The following PPDPFL variants were observed in gnomAD, a reference collection of about 807,000 sequenced individuals.
PPDPFL encodes the protein pancreatic progenitor cell differentiation and proliferation factor-like protein.
Under a neutral mutation model 12.6 loss-of-function variants are expected in PPDPFL, and 12 were observed. That is an observed-to-expected ratio of 0.95 (90% CI 0.61 to 1.54). PPDPFL has a LOEUF of 1.54. PPDPFL is among the 40% of genes most tolerant of loss of function. The pLI is 0.00. For missense variants in PPDPFL, 114 were observed against 96.0 expected (o/e 1.19, Z -0.78); for synonymous variants, 24 against 32.7 (o/e 0.73, Z 0.91).
chr8:49,067,274 T>C (rs913838235), intron 1 of PPDPFL, among the ~76,000 whole-genome samples: 3 of 152,252 alleles, frequency 2.0e-5, no homozygotes, highest in Admixed American at 6.5e-5. Context: ...AACAGTGTTT[T>C]AATGCAGATT....
intron 1 of PPDPFL, among the ~76,000 whole-genome samples, chr8:49,065,087 A>G (rs1370614295): frequency 6.6e-6 from 1 of 152,216 alleles, no homozygotes; most frequent in Non-Finnish European, 1.5e-5. Context: ...TGAGCCAGTT[A>G]TGTTCATTTA....
rs757437257 is a variant in PPDPFL at position 49,074,282 on chromosome 8, A to G, written c.182A>G (p.His61Arg). ...ESTWWFKSFF[H>R]SEPVLSNVRI... Reference sequence around the variant, plus strand: ...ACCTGGTGGTTTAAATCGTTTTTCCATTCTGAACCTGTGCTTTCAAATGTG... The same window carrying G: ...ACCTGGTGGTTTAAATCGTTTTTCCGTTCTGAACCTGTGCTTTCAAATGTG... Residue 61 changes from histidine (H) to arginine (R), a missense_variant, in exon 4 of 5, where the codon CAT becomes CGT. Transcript: ENST00000522267. The G allele has an allele frequency of 1.9e-6, 3 of 1,614,038 alleles. No homozygotes were observed. The highest frequency in any genetic ancestry group is 1.3e-5 in the African/African-American group (1 of 75,062).
At chr8:49,055,565 G>A (rs1343193857) in intron 1 of PPDPFL, among the ~76,000 whole-genome samples, 1 of 152,086 alleles carries the variant, frequency 6.6e-6, no homozygotes, top group Non-Finnish European at 1.5e-5. Flanking sequence ...TATTACATTG[G>A]TAATTTCCAG....
In PPDPFL at chr8:49,054,924, T is replaced by A. The variant is rs1398213886; in HGVS notation, c.-45+555T>A. ...CTTTGCCCAATATATTCTTTAAATT[T>A]TTTGTTGGTGCTCCTCAAAGCTCTA... On this transcript the variant is annotated intron_variant, in intron 1 of 4. Transcript: ENST00000517663. Among the ~76,000 whole-genome samples the A allele has an allele frequency of 2.6e-5, 4 of 152,264 alleles. No individual in the cohort carries two copies. The East Asian group carries it at 7.7e-4, about 29-fold the overall frequency.
At chr8:49,059,044 A>G (rs1808154726) in intron 1 of PPDPFL, among the ~76,000 whole-genome samples, 1 of 152,188 alleles carries the variant, frequency 6.6e-6, no homozygotes, top group Non-Finnish European at 1.5e-5. Flanking sequence ...TGGCTTTCTT[A>G]GATATGGACA....
upstream of PPDPFL, among the ~76,000 whole-genome samples, chr8:49,068,516 T>A (rs1399010523): frequency 6.6e-6 from 1 of 152,086 alleles, no homozygotes; most frequent in Non-Finnish European, 1.5e-5. Flanking sequence ...CATAGAGGGT[T>A]TCAACCAAGA....
intron 1 of PPDPFL, among the ~76,000 whole-genome samples, chr8:49,056,071 T>C (rs1310080225): frequency 1.3e-5 from 2 of 152,176 alleles, no homozygotes; most frequent in African/African-American, 4.8e-5. Flanking sequence ...CAGATTGTCA[T>C]GATTCTGTTG....
chr8:49,066,303 C>A (rs1451677475), intron 1 of PPDPFL, among the ~76,000 whole-genome samples: 3 of 152,156 alleles, frequency 2.0e-5, no homozygotes, highest in Non-Finnish European at 4.4e-5. Flanking sequence ...AATCGCCTGG[C>A]CTAGGGTTAG....
upstream of PPDPFL, among the ~76,000 whole-genome samples, chr8:49,068,676 A>G (rs562503444): frequency 6.0e-4 from 91 of 152,344 alleles, no homozygotes; most frequent in African/African-American, 2.1e-3. Flanking sequence ...CACACAAGCT[A>G]AATTTTAGGT....
At chr8:49,069,457 C>A (rs1280150945), upstream of PPDPFL, among the ~76,000 whole-genome samples, 1 of 152,086 alleles carries the variant, frequency 6.6e-6, no homozygotes, top group Non-Finnish European at 1.5e-5. Context: ...GTTTAGAAAT[C>A]ATCAATTAAA....
At chr8:49,070,623 G>A (rs1417623884), upstream of PPDPFL, among the ~76,000 whole-genome samples, 2 of 152,124 alleles carry the variant, frequency 1.3e-5, no homozygotes, top group African/African-American at 4.8e-5. Flanking sequence ...CAAAGGTGTA[G>A]CAAAACTAAT....
At chr8:49,074,558 A>G in intron 4 of PPDPFL, 2 of 1,536,432 alleles carry the variant, frequency 1.3e-6, no homozygotes, top group Non-Finnish European at 1.7e-6. Flanking sequence ...ATCACTCAAG[A>G]GTGGTGGAGA....
chr8:49,066,568 G>C lies in PPDPFL; in HGVS notation c.-44-6219G>C, dbSNP rs141075489. 2.6e-5 allele frequency among the ~76,000 whole-genome samples: 4 copies of C among 152,268 alleles called. No homozygotes were observed. The East Asian group carries it at 7.7e-4, about 29-fold the overall frequency. ...ATTTATCGGGAAAGCATATGAGCCA[G>C]GGGTCAGTAAGAGAGGGCACTCTGA... On this transcript the variant is annotated intron_variant, in intron 1 of 4. Coordinates refer to the PPDPFL transcript ENST00000517663.
chr8:49,069,860 G>C (rs1437690366), upstream of PPDPFL, among the ~76,000 whole-genome samples: 2 of 152,130 alleles, frequency 1.3e-5, no homozygotes, highest in African/African-American at 4.8e-5. Context: ...GTGTGAACCC[G>C]GGAGGTGGAA....
intron 1 of PPDPFL, among the ~76,000 whole-genome samples, chr8:49,056,166 A>G (rs1808109561): frequency 6.6e-6 from 1 of 152,106 alleles, no homozygotes; most frequent in Non-Finnish European, 1.5e-5. Flanking sequence ...GTTGTTCTCT[A>G]CTGACTTCTC....
At chr8:49,066,197 A>G (rs763771153) in intron 1 of PPDPFL, among the ~76,000 whole-genome samples, 2 of 152,232 alleles carry the variant, frequency 1.3e-5, no homozygotes, top group Non-Finnish European at 2.9e-5. Context: ...ATGATGCCCA[A>G]TAAATGTTAA....
chr8:49,066,008 C>CA (rs1426013627), intron 1 of PPDPFL, among the ~76,000 whole-genome samples: 3 of 152,146 alleles, frequency 2.0e-5, no homozygotes, highest in Non-Finnish European at 4.4e-5. Context: ...TAGCTTCTTC[C>CA]AAGATGGTTT....
At chr8:49,056,854 T>A (rs1227466688) in intron 1 of PPDPFL, among the ~76,000 whole-genome samples, 2 of 152,178 alleles carry the variant, frequency 1.3e-5, no homozygotes, top group African/African-American at 4.8e-5. Flanking sequence ...TTCTTGGAAA[T>A]AAAAATTGCA....
chr8:49,060,689 T>C (rs1401104683), intron 1 of PPDPFL, among the ~76,000 whole-genome samples: 1 of 152,098 alleles, frequency 6.6e-6, no homozygotes, highest in Non-Finnish European at 1.5e-5. Flanking sequence ...AAAATGACTG[T>C]GTGAAATTTT....
Sources: gnomAD v4.1 joint callset for allele counts (sites outside exome capture counted in the v4.1 genomes callset) on GRCh38, gnomAD v4.1.1 for gene constraint, MANE v1.5 for transcripts, NCBI Gene and HGNC (gene_info 2026-07-23, HGNC 2026-07-21) for gene names.